TMEM132A: variants seen among roughly 807,000 people sequenced by gnomAD.
TMEM132A encodes transmembrane protein 132A, also known as GRP78-binding protein.
Under a neutral mutation model 69.9 loss-of-function variants are expected in TMEM132A, and 48 were observed. That is an observed-to-expected ratio of 0.69 (90% confidence interval 0.55 to 0.87). The LOEUF (loss-of-function observed/expected upper bound fraction) is 0.87. Ranked by LOEUF, TMEM132A falls within the 40% of genes least tolerant of loss-of-function variation. The pLI is 0.00. For missense variants in TMEM132A, 1,287 were observed against 1,407.2 expected, an observed-to-expected ratio of 0.91 and a Z score of 1.37; for synonymous variants, 577 against 613.7, an observed-to-expected ratio of 0.94 and a Z score of 0.88.
chr11:60,929,838 G>A (rs1856437331), intron 4 of TMEM132A, among the ~76,000 whole-genome samples: 1 of 152,164 alleles, frequency 6.6e-6, no homozygotes. Flanking sequence ...AGCCTGCCAA[G>A]CCCTGTGTCT....
chr11:60,925,999 A>AG (rs1480079477), intron 1 of TMEM132A: 4 of 152,208 alleles, frequency 2.6e-5, no homozygotes, highest in Non-Finnish European at 4.4e-5. Flanking sequence ...TTCCAGGATG[A>AG]GCAAGACAGG....
rs756578318 is a variant in TMEM132A, at chr11:60,927,372, C to T, written c.269C>T (p.Ala90Val). ...TFLLLQPWPR[A>V]QPLLRASYPP... is the part of the protein sequence containing the mutation. ...CTGCTCCTACAGCCCTGGCCCAGGGCCCAGCCACTTCTCCGGGCCTCCTAC... is the reference window on the plus strand; with the variant it reads ...CTGCTCCTACAGCCCTGGCCCAGGGTCCAGCCACTTCTCCGGGCCTCCTAC... The change falls in exon 2 of 11, where the codon GCC (alanine) becomes GTC (valine). Residue 90 changes from alanine to valine, a missense_variant. By Grantham distance (64) the Ala-to-Val change is moderately conservative (BLOSUM62 0). Transcript: ENST00000453848. 1 of 1,613,310 alleles carries T rather than the reference C, an allele frequency of 6.2e-7. No homozygotes were observed. The highest frequency in any genetic ancestry group is 1.3e-5 in the African/African-American group (1 of 74,892).
Position 60,932,017 on chromosome 11 carries a change from G to A in TMEM132A, c.1246G>A (p.Gly416Arg). ...GCTGGTGAATACAGCACCACTGACT[G>A]GAGTGCCCCAGCATGTCCCCGTGCG... is the stretch of plus-strand genomic sequence containing the variant. Reference protein sequence around the residue: ...EELVNTAPLTGVPQHVPVRLV... With the variant: ...EELVNTAPLTRVPQHVPVRLV... Residue 416 changes from glycine to arginine, a missense_variant, in exon 7 of 11, where the codon GGA becomes AGA. Transcript: ENST00000453848. 3 of 1,601,742 alleles carry A rather than the reference G, an allele frequency of 1.9e-6. No homozygotes were observed. Among genetic ancestry groups the A allele is most frequent in the Non-Finnish European group, 2.6e-6 (3 of 1,174,142 alleles).
intron 5 of TMEM132A, 36 bp from the exon 6 acceptor site, chr11:60,931,653 C>A: frequency 6.3e-7 from 1 of 1,574,994 alleles, no homozygotes; most frequent in Non-Finnish European, 8.6e-7. Context: ...TGGCAGCTAG[C>A]AAGCATTTGG....
Position 60,937,016 on chromosome 11 carries a change from C to A in TMEM132A, c.*109C>A. On this transcript the variant is annotated 3_prime_UTR_variant, in exon 11 of 11. Transcript: ENST00000453848. ...GTCTGGTGCTTGTTGATCCAAGTCCCCTGCCTGGTCCCCCACAAGGACTCC... is the reference window on the plus strand; with the variant it reads ...GTCTGGTGCTTGTTGATCCAAGTCCACTGCCTGGTCCCCCACAAGGACTCC... 1 of 1,282,448 alleles carries A rather than the reference C, an allele frequency of 7.8e-7. No homozygotes were observed. The highest frequency in any genetic ancestry group is 1.0e-6 in the Non-Finnish European group (1 of 956,040). The allele number at this position is 1,282,448 out of a possible 1,614,324, so 79.4% of individuals were successfully genotyped here.
intron 4 of TMEM132A, 22 bp from the exon 5 acceptor site, chr11:60,930,488 G>C (rs1378915291): frequency 3.2e-6 from 5 of 1,576,630 alleles, no homozygotes; most frequent in Non-Finnish European, 4.3e-6. Flanking sequence ...TTGCCAAACT[G>C]AGCCTATACT....
At position 60,930,506 on chromosome 11, in the gene TMEM132A, C is replaced by G; in HGVS notation, c.867-4C>G. Reference sequence around the variant, plus strand: ...CCAAACTGAGCCTATACTCTCTTCCCCAGGATCAAGGTGAAGAAGGGGCTG... The same window carrying G: ...CCAAACTGAGCCTATACTCTCTTCCGCAGGATCAAGGTGAAGAAGGGGCTG... On this transcript the variant is annotated splice_polypyrimidine_tract_variant and splice_region_variant and intron_variant, in intron 4 of 10. Transcript: ENST00000453848. 6.3e-7 allele frequency: 1 copy of G among 1,597,462 alleles called. No homozygotes were observed. The highest frequency in any genetic ancestry group is 8.5e-7 in the Non-Finnish European group (1 of 1,171,720).
rs762597307 is a variant in TMEM132A, at chr11:60,936,650, G to A, written c.2815G>A (p.Gly939Ser). ...AGGGGAGGCCCCTACCCTGGCCCCTGGCCCTCCTGGGGGCACCACCAGCTC... is the reference window on the plus strand; with the variant it reads ...AGGGGAGGCCCCTACCCTGGCCCCTAGCCCTCCTGGGGGCACCACCAGCTC... ...GGGEAPTLAP[G>S]PPGGTTSSSS... Residue 939 changes from glycine (G) to serine (S), a missense_variant, in exon 11 of 11, where the codon GGC becomes AGC. By Grantham distance (56) the Gly-to-Ser change is moderately conservative. Coordinates refer to ENST00000453848, the MANE Select transcript of TMEM132A (RefSeq NM_178031.3). 3.9e-6 allele frequency: 6 copies of A among 1,555,008 alleles called. No homozygotes were observed. The highest frequency in any genetic ancestry group is 5.2e-6 in the Non-Finnish European group (6 of 1,151,896).
intron 1 of TMEM132A, among the ~76,000 whole-genome samples, chr11:60,926,841 G>A (rs1163470295): frequency 6.6e-6 from 1 of 152,158 alleles, no homozygotes; most frequent in African/African-American, 2.4e-5. Flanking sequence ...GTCTGCCGAC[G>A]GTTGCACCCC....
At chr11:60,925,043 G>C (rs1856319360) in intron 1 of TMEM132A, among the ~76,000 whole-genome samples, 1 of 152,118 alleles carries the variant, frequency 6.6e-6, no homozygotes, top group African/African-American at 2.4e-5. Flanking sequence ...GGCGGCCCCG[G>C]TCCCGGGCGC....
Position 60,934,526 on chromosome 11 carries a change from AGCGGCGC to A in TMEM132A, c.1601_1607del (p.Arg534ProfsTer40). ...GCTGCAGAGGCGTCGGATGAGGCCG[AGCGGCGC>A]GCCCGTGGCTGCCACCTGCAGTACC... On this transcript the variant is annotated frameshift_variant, in exon 9 of 11. Transcript: ENST00000453848. LOFTEE classifies it high-confidence loss of function. The A allele has an allele frequency of 6.9e-7, 1 of 1,453,318 alleles. No homozygotes were observed. Among genetic ancestry groups the A allele is most frequent in the Non-Finnish European group, 9.0e-7 (1 of 1,112,780 alleles). The allele number at this position is 1,453,318 out of a possible 1,614,324, so 90.0% of individuals were successfully genotyped here. A position where few individuals can be genotyped will look rare whatever the true frequency, so the allele number is the denominator to read the frequency against.
rs202235322 is a variant in TMEM132A, at chr11:60,927,824, C to T, written c.499C>T (p.Pro167Ser). 21 of 1,611,826 alleles carry T rather than the reference C, an allele frequency of 1.3e-5. No homozygotes were observed. In the African/African-American group the frequency reaches 2.3e-4, roughly 17 times the overall value. ...LPCARLHATH[P>S]AGTAHQACRF... is the part of the protein sequence containing the mutation. ...CTGTGCCCGGCTCCATGCCACACAC[C>T]CTGCCGGCACTGCTCACCAAGCCTG... is the stretch of plus-strand genomic sequence containing the variant. The change falls in exon 3 of 11, where the codon CCT becomes TCT. Residue 167 changes from proline (P) to serine (S), a missense_variant. Transcript: ENST00000453848.
rs1359146973 is a variant in TMEM132A, at chr11:60,935,027, G to A, written c.1837-225G>A. 2.0e-5 allele frequency among the ~76,000 whole-genome samples: 3 copies of A among 152,172 alleles called. No homozygotes were observed. The highest frequency in any genetic ancestry group is 7.2e-5 in the African/African-American group (3 of 41,428). On this transcript the variant is annotated intron_variant, in intron 9 of 10. Transcript: ENST00000453848. The surrounding 1 kb of genome is among the most constrained non-coding windows in gnomAD (Gnocchi z 5.0). ...GGGAAAAGGGAACTGCCCCCTAGGTGTGGGATTGGGGTCCAGGTATGCACC... is the reference window on the plus strand; with the variant it reads ...GGGAAAAGGGAACTGCCCCCTAGGTATGGGATTGGGGTCCAGGTATGCACC...
rs1161883105 is a variant in TMEM132A, at chr11:60,927,664, G to A, written c.339G>A (p.Glu113=). Residue 113 remains glutamate (E), a synonymous_variant, in exon 3 of 11, where the codon GAG becomes GAA. Transcript: ENST00000453848. ...TQQVVPPRVT[E]PHQRPVPWDV... ...AGGTGGTCCCCCCTCGAGTCACTGAGCCCCACCAACGGCCAGTCCCATGGG... is the reference window on the plus strand; with the variant it reads ...AGGTGGTCCCCCCTCGAGTCACTGAACCCCACCAACGGCCAGTCCCATGGG... 4 of 1,612,442 alleles carry A rather than the reference G, an allele frequency of 2.5e-6. No individual in the cohort carries two copies. Among genetic ancestry groups the A allele is most frequent in the Non-Finnish European group, 3.4e-6 (4 of 1,179,816 alleles).
Position 60,932,112 on chromosome 11 carries a change from C to G in TMEM132A, c.1341C>G (p.Asn447Lys). 1.9e-6 allele frequency: 3 copies of G among 1,543,522 alleles called. No homozygotes were observed. Among genetic ancestry groups the G allele is most frequent in the Non-Finnish European group, 2.6e-6 (3 of 1,148,624 alleles). ...VTEHVGCESANTQVLQVSEAC... is the reference protein window; with the variant it reads ...VTEHVGCESAKTQVLQVSEAC... Reference sequence around the variant, plus strand: ...AGCATGTCGGCTGCGAGTCTGCCAACACACAGGTCCTGCAGGTGAGTGGCA... The same window carrying G: ...AGCATGTCGGCTGCGAGTCTGCCAAGACACAGGTCCTGCAGGTGAGTGGCA... The change falls in exon 7 of 11, where the codon AAC becomes AAG. Residue 447 changes from asparagine (N) to lysine (K), a missense_variant. Asn to Lys is a moderately conservative substitution (Grantham distance 94, BLOSUM62 0). Coordinates refer to ENST00000453848, the MANE Select transcript of TMEM132A (RefSeq NM_178031.3).
Position 60,927,772 on chromosome 11 carries a change from T to C in TMEM132A, c.447T>C (p.Asp149=), listed in dbSNP as rs773919866. The change falls in exon 3 of 11, where the codon GAT becomes GAC. Residue 149 remains aspartate (D), a synonymous_variant. Coordinates refer to ENST00000453848, the MANE Select transcript of TMEM132A (RefSeq NM_178031.3). ...ARVLFHLKGQ[D]WPPGSGSLPC... is the part of the protein sequence containing the mutation. ...TTCTCTTCCACCTCAAAGGGCAGGA[T>C]TGGCCACCAGGGTCTGGCAGCCTGC... 1 of 1,613,166 alleles carries C rather than the reference T, an allele frequency of 6.2e-7. No homozygotes were observed. Among genetic ancestry groups the C allele is most frequent in the Non-Finnish European group, 8.5e-7 (1 of 1,180,014 alleles).
chr11:60,928,786 C>T lies in TMEM132A; in HGVS notation c.692C>T (p.Ala231Val), dbSNP rs1410804359. ...GAGGAGAACGACCCTGGGGAGCAGGCCCTCCCAGTGGGGGGTGTGGAGCTG... is the reference window on the plus strand; with the variant it reads ...GAGGAGAACGACCCTGGGGAGCAGGTCCTCCCAGTGGGGGGTGTGGAGCTG... ...SGEENDPGEQALPVGGVELRP... is the reference protein window; with the variant it reads ...SGEENDPGEQVLPVGGVELRP... The change falls in exon 4 of 11, where the codon GCC (alanine) becomes GTC (valine). Residue 231 changes from alanine (A) to valine (V), a missense_variant. Physicochemically the swap from Ala to Val is moderately conservative, Grantham distance 64 (BLOSUM62 0). Coordinates refer to ENST00000453848, the MANE Select transcript of TMEM132A (RefSeq NM_178031.3). 1.1e-5 allele frequency: 18 copies of T among 1,609,984 alleles called. No homozygotes were observed. The East Asian group carries it at 3.6e-4, about 32-fold the overall frequency.
At chr11:60,927,600 C>A (rs1227729594) in intron 2 of TMEM132A, 41 bp from the exon 3 acceptor site, 2 of 1,562,828 alleles carry the variant, frequency 1.3e-6, no homozygotes, top group Admixed American at 1.7e-5. Context: ...TCTTCCCCTC[C>A]CAAGCTCCTC....
chr11:60,930,920 T>C (rs982842061), intron 5 of TMEM132A, among the ~76,000 whole-genome samples: 5 of 152,188 alleles, frequency 3.3e-5, no homozygotes, highest in Admixed American at 3.3e-4. Context: ...CAACCAATCC[T>C]GTGCCCCAGG....
Sources: allele counts gnomAD v4.1 joint callset (sites outside exome capture counted in the v4.1 genomes callset), GRCh38; gene constraint gnomAD v4.1.1; non-coding constraint Gnocchi (gnomAD v3.1); transcripts MANE v1.5; gene names NCBI Gene and HGNC (gene_info 2026-07-23, HGNC 2026-07-21).